The following LYRM4 variants were observed in gnomAD, a reference collection of about 807,000 sequenced individuals.
LYRM4 encodes LYR motif-containing protein 4.
A neutral mutation model predicts 11.7 loss-of-function variants in LYRM4; 9 were observed. The ratio of observed to expected loss-of-function variants is 0.77; its 90% CI spans 0.46 to 1.34. The LOEUF (loss-of-function observed/expected upper bound fraction) is 1.34. Ranked by LOEUF, LYRM4 falls within the 40% of genes most tolerant of loss-of-function variation. The probability of loss-of-function intolerance (pLI) is 0.00; values close to 1 mark genes in which losing one functional copy is unlikely to be tolerated. For missense variants in LYRM4, 133 were observed against 112.5 expected, an observed-to-expected ratio of 1.18 and a Z score of -0.82; for synonymous variants, 42 against 40.4, an observed-to-expected ratio of 1.04 and a Z score of -0.15.
At chr6:5,044,565 G>A in the LYRM4 span, among the ~76,000 whole-genome samples, 5,961 of 152,312 alleles carry the variant, frequency 0.039, 143 homozygotes, top group African/African-American at 0.063. Context: ...TCCCTCTGAC[G>A]TGTTTGTTGG....
intron 2 of LYRM4, among the ~76,000 whole-genome samples, chr6:5,158,569 T>G (rs547862207): frequency 6.6e-6 from 1 of 151,806 alleles, no homozygotes; most frequent in African/African-American, 2.4e-5. Context: ...CTCAAACTCT[T>G]GGGCTTAAGC....
At chr6:5,232,480 T>C (rs187618305) in intron 1 of LYRM4, among the ~76,000 whole-genome samples, 10 of 152,368 alleles carry the variant, frequency 6.6e-5, no homozygotes, top group Admixed American at 3.9e-4. Context: ...TACTTCATAG[T>C]AGTGCAAAGA....
intron 1 of LYRM4, among the ~76,000 whole-genome samples, chr6:5,245,672 G>A (rs1764164665): frequency 6.6e-6 from 1 of 152,176 alleles, no homozygotes; most frequent in Non-Finnish European, 1.5e-5. Context: ...TGACTTCCTG[G>A]AGCCTGAGGC....
At chr6:5,216,791 T>C (rs930794177) in intron 1 of LYRM4, 53 bp from the exon 2 acceptor site, 11 of 1,566,402 alleles carry the variant, frequency 7.0e-6, no homozygotes, top group African/African-American at 4.1e-5. Context: ...TCTGAGGCTA[T>C]GCTTTCAAAT....
chr6:5,236,373 G>C (rs1763542999), intron 1 of LYRM4: 1 of 151,968 alleles, frequency 6.6e-6, no homozygotes, highest in African/African-American at 2.4e-5. Context: ...GCTGAGGCAG[G>C]AGAATTGCTT....
At chr6:5,163,381 T>C (rs1758880409) in intron 2 of LYRM4, among the ~76,000 whole-genome samples, 2 of 152,206 alleles carry the variant, frequency 1.3e-5, no homozygotes, top group Admixed American at 1.3e-4. Flanking sequence ...AGTGGGTTTC[T>C]TTCTGCAGGC....
At chr6:5,203,653 T>C (rs1761520923) in intron 2 of LYRM4, among the ~76,000 whole-genome samples, 1 of 152,236 alleles carries the variant, frequency 6.6e-6, no homozygotes, top group Admixed American at 6.5e-5. Flanking sequence ...ACACTGAAAC[T>C]GTCACTTGGA....
At chr6:5,172,026 G>A (rs1047568809) in intron 2 of LYRM4, among the ~76,000 whole-genome samples, 1 of 152,106 alleles carries the variant, frequency 6.6e-6, no homozygotes, top group Non-Finnish European at 1.5e-5. Flanking sequence ...GTCTTTATGT[G>A]GAGCTCTGGG....
At chr6:5,246,176 A>T (rs898500385) in intron 1 of LYRM4, among the ~76,000 whole-genome samples, 5 of 152,198 alleles carry the variant, frequency 3.3e-5, no homozygotes, top group Non-Finnish European at 1.5e-5. Flanking sequence ...ATAGGAAACA[A>T]TATGGAATCA....
At chr6:5,221,505 C>G (rs534409856) in intron 1 of LYRM4, among the ~76,000 whole-genome samples, 7 of 152,014 alleles carry the variant, frequency 4.6e-5, no homozygotes, top group African/African-American at 1.7e-4. Context: ...CCAGCCTGGT[C>G]AACATGGTGA....
At chr6:5,078,641 A>C in the LYRM4 span, among the ~76,000 whole-genome samples, 1 of 152,202 alleles carries the variant, frequency 6.6e-6, no homozygotes, top group Non-Finnish European at 1.5e-5. Context: ...ATTAGAAGGC[A>C]CACATATGAG....
At chr6:5,078,406 C>A in the LYRM4 span, among the ~76,000 whole-genome samples, 1 of 152,208 alleles carries the variant, frequency 6.6e-6, no homozygotes, top group South Asian at 2.1e-4. Context: ...CTCTTTCAGC[C>A]TCTAAGACCT....
At chr6:5,092,617 C>G in the LYRM4 span, among the ~76,000 whole-genome samples, 2 of 151,798 alleles carry the variant, frequency 1.3e-5, no homozygotes, top group Admixed American at 1.3e-4. Flanking sequence ...ACCAGGGAGG[C>G]TGAGGCAGAA....
chr6:5,109,280 C>T lies in LYRM4; in HGVS notation c.*143G>A. 6.6e-7 allele frequency: 1 copy of T among 1,523,808 alleles called. No homozygotes were observed. The highest frequency in any genetic ancestry group is 1.3e-5 in the South Asian group (1 of 76,530). 94.4% of individuals were successfully genotyped at this position (1,523,808 alleles called of 1,614,324 possible). On this transcript the variant is annotated 3_prime_UTR_variant, in exon 3 of 3. Coordinates refer to ENST00000330636, the MANE Select transcript of LYRM4 (RefSeq NM_020408.6). ...TTTTCACTAAGCCTGCAACAGAATGCAAATGTGACTTGGTTTATCAGCTCC... is the reference window on the plus strand; with the variant it reads ...TTTTCACTAAGCCTGCAACAGAATGTAAATGTGACTTGGTTTATCAGCTCC...
At chr6:5,081,392 G>A in the LYRM4 span, among the ~76,000 whole-genome samples, 1 of 152,182 alleles carries the variant, frequency 6.6e-6, no homozygotes, top group African/African-American at 2.4e-5. Context: ...CAAGGGGGAG[G>A]ACCCGAAGTC....
chr6:5,245,282 C>T (rs1212110112), intron 1 of LYRM4, among the ~76,000 whole-genome samples: 1 of 150,616 alleles, frequency 6.6e-6, no homozygotes, highest in South Asian at 2.1e-4. Flanking sequence ...GAAGGAAGGA[C>T]AAGGAAGTGA....
chr6:5,142,246 G>A (rs1757447305), intron 2 of LYRM4, among the ~76,000 whole-genome samples: 2 of 152,120 alleles, frequency 1.3e-5, no homozygotes, highest in African/African-American at 4.8e-5. Flanking sequence ...TCTCTCTGCT[G>A]GGACTCTTGC....
At chr6:5,098,515 G>A in the LYRM4 span, among the ~76,000 whole-genome samples, 2 of 152,216 alleles carry the variant, frequency 1.3e-5, no homozygotes, top group Non-Finnish European at 2.9e-5. Context: ...AGTATCTCCT[G>A]AACCAGAACA....
At chr6:5,073,380 T>TA in the LYRM4 span, among the ~76,000 whole-genome samples, 10 of 151,430 alleles carry the variant, frequency 6.6e-5, no homozygotes, top group African/African-American at 1.7e-4. Flanking sequence ...AATATATATA[T>TA]TTTTTATATA....
Sources: allele counts gnomAD v4.1 joint callset (sites outside exome capture counted in the v4.1 genomes callset), GRCh38; gene constraint gnomAD v4.1.1; transcripts MANE v1.5; gene names NCBI Gene and HGNC (gene_info 2026-07-23, HGNC 2026-07-21).